HRH1: variants seen among roughly 807,000 people sequenced by gnomAD.
The protein encoded by HRH1 is histamine receptor H1.
In HRH1, 6 loss-of-function variants were observed where a neutral mutation model predicts 10.3. That is an observed-to-expected ratio of 0.58 (90% CI 0.32 to 1.15). The LOEUF is 1.15. Among genes scored for constraint, HRH1 ranks in the 50% most tolerant of loss-of-function variants. The probability of loss-of-function intolerance (pLI) is 0.05; values close to 1 mark genes in which losing one functional copy is unlikely to be tolerated. For synonymous variants in HRH1, 242 were observed against 236.7 expected (o/e 1.02, Z -0.21); for missense variants, 514 against 615.3 (o/e 0.84, Z 1.74).
At chr3:11,253,894 G>T (rs1017705259) in intron 1 of HRH1, among the ~76,000 whole-genome samples, 1 of 152,154 alleles carries the variant, frequency 6.6e-6, no homozygotes, top group Admixed American at 6.5e-5. Flanking sequence ...CTCCATAAGG[G>T]TCATCTAAGA....
At chr3:11,158,723 G>A (rs1936868122) in intron 1 of HRH1, among the ~76,000 whole-genome samples, 1 of 152,024 alleles carries the variant, frequency 6.6e-6, no homozygotes, top group African/African-American at 2.4e-5. Flanking sequence ...TTCATGTTCT[G>A]TTGGTTACTT....
intron 1 of HRH1, among the ~76,000 whole-genome samples, chr3:11,243,504 A>G (rs1939402756): frequency 1.3e-5 from 2 of 152,246 alleles, no homozygotes; most frequent in Non-Finnish European, 2.9e-5. Flanking sequence ...ACCAAGAGAA[A>G]GGAACAAGTA....
At chr3:11,151,293 T>C (rs368900308), upstream of HRH1, among the ~76,000 whole-genome samples, 7 of 152,296 alleles carry the variant, frequency 4.6e-5, no homozygotes, top group African/African-American at 1.7e-4. Context: ...GTGGCACATA[T>C]GTATAAAATA....
chr3:11,223,590 G>T lies in HRH1; in HGVS notation c.-35-35413G>T, dbSNP rs142473549. ...AGCTTGACTGTTCTCTAGCTGCTCT[G>T]AGGGGCCTCTGGGGAGTGTGGGGCA... On this transcript the variant is annotated intron_variant, in intron 1 of 1. Transcript: ENST00000431010. Among the ~76,000 whole-genome samples the T allele has an allele frequency of 3.8e-3, 577 of 152,306 alleles. 5 individuals are homozygous for T. Among genetic ancestry groups the T allele is most frequent in the African/African-American group, 0.013 (552 of 41,564 alleles).
At chr3:11,168,125 C>G (rs1937083588) in intron 1 of HRH1, among the ~76,000 whole-genome samples, 1 of 152,032 alleles carries the variant, frequency 6.6e-6, no homozygotes, top group Non-Finnish European at 1.5e-5. Flanking sequence ...GCATGCATGC[C>G]CGTATCTCAG....
chr3:11,170,512 G>A (rs940797179), intron 1 of HRH1, among the ~76,000 whole-genome samples: 2 of 152,266 alleles, frequency 1.3e-5, no homozygotes, highest in Non-Finnish European at 2.9e-5. Flanking sequence ...GGTGGGGAAG[G>A]CAGACCCGGA....
chr3:11,188,538 G>A (rs1937489172), intron 1 of HRH1, among the ~76,000 whole-genome samples: 2 of 152,296 alleles, frequency 1.3e-5, no homozygotes, highest in South Asian at 2.1e-4. Flanking sequence ...CTGGGTGACA[G>A]AGCAAAACCC....
chr3:11,165,813 A>T (rs1233717189), intron 1 of HRH1, among the ~76,000 whole-genome samples: 1 of 152,212 alleles, frequency 6.6e-6, no homozygotes, highest in Non-Finnish European at 1.5e-5. Flanking sequence ...CTTTGAAAAC[A>T]CTGCAATTTG....
At chr3:11,171,939 A>G (rs1937158962) in intron 1 of HRH1, among the ~76,000 whole-genome samples, 1 of 152,210 alleles carries the variant, frequency 6.6e-6, no homozygotes, top group African/African-American at 2.4e-5. Context: ...CAGAGAAAAT[A>G]TATTTGTGCA....
chr3:11,195,217 G>A (rs1039406920), intron 1 of HRH1, among the ~76,000 whole-genome samples: 9 of 152,314 alleles, frequency 5.9e-5, no homozygotes, highest in African/African-American at 2.2e-4. Flanking sequence ...GTAACCAAGA[G>A]GAGCAAAACA....
intron 1 of HRH1, among the ~76,000 whole-genome samples, chr3:11,247,268 A>T (rs549961511): frequency 6.6e-6 from 1 of 152,302 alleles, no homozygotes; most frequent in South Asian, 2.1e-4. Context: ...TGTTAGAAAC[A>T]AGTGCCTGGT....
intron 1 of HRH1, among the ~76,000 whole-genome samples, chr3:11,207,365 C>T (rs1221079175): frequency 6.6e-6 from 1 of 151,754 alleles, no homozygotes; most frequent in Non-Finnish European, 1.5e-5. Context: ...GAGATCCAGA[C>T]GATCCTGGCT....
intron 1 of HRH1, among the ~76,000 whole-genome samples, chr3:11,184,850 A>G (rs1937421698): frequency 6.7e-6 from 1 of 149,938 alleles, no homozygotes; most frequent in African/African-American, 2.5e-5. Flanking sequence ...CCTGGGAGGC[A>G]GAGGTTGCAG....
intron 1 of HRH1, among the ~76,000 whole-genome samples, chr3:11,196,028 C>T (rs1342417817): frequency 1.3e-5 from 2 of 152,220 alleles, no homozygotes; most frequent in South Asian, 2.1e-4. Context: ...GAAGGGACTC[C>T]GCACTCTGGC....
At chr3:11,243,561 C>T (rs560750326) in intron 1 of HRH1, among the ~76,000 whole-genome samples, 4 of 152,326 alleles carry the variant, frequency 2.6e-5, no homozygotes, top group African/African-American at 7.2e-5. Context: ...ATGGCATCAA[C>T]GTGTAAAGAA....
chr3:11,159,351 G>A (rs1027085528), intron 1 of HRH1, among the ~76,000 whole-genome samples: 2 of 152,150 alleles, frequency 1.3e-5, no homozygotes, highest in African/African-American at 4.8e-5. Flanking sequence ...CTAGGTTTTT[G>A]GTAGATACTC....
chr3:11,228,949 T>C (rs1938969685), intron 1 of HRH1, among the ~76,000 whole-genome samples: 1 of 150,510 alleles, frequency 6.6e-6, no homozygotes, highest in Non-Finnish European at 1.5e-5. Flanking sequence ...GTAAATGCCT[T>C]AATAGAGATA....
intron 1 of HRH1, among the ~76,000 whole-genome samples, chr3:11,237,621 A>T (rs1939216804): frequency 6.6e-6 from 1 of 151,396 alleles, no homozygotes. Flanking sequence ...AAACTCTCCC[A>T]GCCTGATGCA....
intron 1 of HRH1, among the ~76,000 whole-genome samples, chr3:11,244,242 C>A (rs2152582275): frequency 6.6e-6 from 1 of 152,364 alleles, no homozygotes; most frequent in South Asian, 2.1e-4. Context: ...GAAAAGTACA[C>A]ACCTTTATTT....
Sources: gnomAD v4.1 joint callset for allele counts (sites outside exome capture counted in the v4.1 genomes callset) on GRCh38, gnomAD v4.1.1 for gene constraint, MANE v1.5 for transcripts, NCBI Gene and HGNC (gene_info 2026-07-23, HGNC 2026-07-21) for gene names.